GPR161: variants seen among roughly 807,000 people sequenced by gnomAD.
GPR161 encodes the protein G-protein coupled receptor RE2.
A neutral mutation model predicts 39.2 loss-of-function variants in GPR161; 25 were observed. The ratio of observed to expected loss-of-function variants is 0.64; its 90% CI spans 0.47 to 0.89. GPR161 has a LOEUF of 0.89. Ranked by LOEUF, GPR161 falls within the 40% of genes least tolerant of loss-of-function variation. GPR161 has a pLI of 0.00. For missense variants in GPR161, 547 were observed against 677.8 expected, an observed-to-expected ratio of 0.81 and a Z score of 2.14; for synonymous variants, 286 against 276.6, an observed-to-expected ratio of 1.03 and a Z score of -0.34.
At chr1:168,086,308 T>C (rs1694486383) in intron 5 of GPR161, among the ~76,000 whole-genome samples, 1 of 152,156 alleles carries the variant, frequency 6.6e-6, no homozygotes, top group African/African-American at 2.4e-5. Flanking sequence ...CATTACAGGT[T>C]CAAGCCCCCT....
chr1:168,133,133 G>C (rs1699124257), intron 1 of GPR161, among the ~76,000 whole-genome samples: 1 of 152,108 alleles, frequency 6.6e-6, no homozygotes. Flanking sequence ...ACCCAAAAAA[G>C]GAAAAAGAGG....
At chr1:168,093,018 T>A (rs1299031974) in intron 3 of GPR161, among the ~76,000 whole-genome samples, 1 of 151,924 alleles carries the variant, frequency 6.6e-6, no homozygotes, top group African/African-American at 2.4e-5. Context: ...AGGTTCTGGG[T>A]CGGCCAGCGG....
At chr1:168,136,403 G>C (rs1314666290) in intron 1 of GPR161, 5 of 1,401,880 alleles carry the variant, frequency 3.6e-6, no homozygotes, top group Non-Finnish European at 4.6e-6. Flanking sequence ...CCATCCAGCG[G>C]ACTGTTTAGG....
intron 1 of GPR161, among the ~76,000 whole-genome samples, chr1:168,119,752 G>T (rs1411086284): frequency 1.3e-5 from 2 of 152,166 alleles, no homozygotes; most frequent in Non-Finnish European, 2.9e-5. Flanking sequence ...CATGGGGGTG[G>T]TTTCCCCATG....
At position 168,110,149 on chromosome 1, in the gene GPR161, G is replaced by A. The variant is rs370166368; in HGVS notation, c.-44-5255C>T. Among the ~76,000 whole-genome samples, 11 of 151,940 alleles carry A rather than the reference G, an allele frequency of 7.2e-5. No individual in the cohort carries two copies. In the East Asian group the frequency reaches 1.2e-3, roughly 16 times the overall value. Reference sequence around the variant, plus strand: ...TGAGCACATAGCATTCACCATGAGCGACAGTCAACAACAACAGCAACAAAA... The same window carrying A: ...TGAGCACATAGCATTCACCATGAGCAACAGTCAACAACAACAGCAACAAAA... On this transcript the variant is annotated intron_variant, in intron 1 of 5. Transcript: ENST00000682931.
chr1:168,103,424 A>AG lies in GPR161; in HGVS notation c.374+1052dup, dbSNP rs1405863409. ...ATTTTCTGGATTACCTCTACTACTC[A>AG]GGGAAAAAAAAAAAAAAAGAGAAGC... On this transcript the variant is annotated intron_variant, in intron 2 of 5. Coordinates refer to ENST00000682931, the MANE Select transcript of GPR161 (RefSeq NM_001375883.1). Among the ~76,000 whole-genome samples the AG allele has an allele frequency of 2.5e-3, 304 of 119,998 alleles. 2 individuals are homozygous for AG. Among genetic ancestry groups the AG allele is most frequent in the African/African-American group, 0.011 (298 of 25,942 alleles). 78.7% of individuals were successfully genotyped at this position (119,998 alleles called of 152,430 possible).
intron 3 of GPR161, among the ~76,000 whole-genome samples, chr1:168,093,306 T>C (rs1368761110): frequency 3.3e-5 from 5 of 152,152 alleles, no homozygotes; most frequent in African/African-American, 4.8e-5. Context: ...CCAGCGACAT[T>C]TGGCACCCAT....
At chr1:168,129,955 G>A (rs1698863849) in intron 1 of GPR161, among the ~76,000 whole-genome samples, 1 of 152,014 alleles carries the variant, frequency 6.6e-6, no homozygotes, top group Non-Finnish European at 1.5e-5. Context: ...AAACCCAATG[G>A]GCCCTTATTG....
intron 4 of GPR161, 86 bp downstream of exon 4, chr1:168,090,478 A>G: frequency 1.4e-6 from 1 of 716,916 alleles, no homozygotes; most frequent in South Asian, 1.9e-5. Flanking sequence ...CCAGCTCTTG[A>G]GCCTGCACAG....
Position 168,081,612 on chromosome 1 carries a change from T to C in GPR161, c.*3919A>G, listed in dbSNP as rs1694080432. On this transcript the variant is annotated 3_prime_UTR_variant, in exon 6 of 6. Coordinates refer to ENST00000682931, the MANE Select transcript of GPR161 (RefSeq NM_001375883.1). ...AGATGACTAAACTTCCCTTCACAGA[T>C]GAGGAAACTCATAAGTAGTGACTTG... 1 of 152,234 alleles carries C rather than the reference T, an allele frequency of 6.6e-6. No individual in the cohort carries two copies. Among genetic ancestry groups the C allele is most frequent in the South Asian group, 2.1e-4 (1 of 4,826 alleles). 9.4% of individuals were successfully genotyped at this position (152,234 alleles called of 1,614,324 possible).
At position 168,098,052 on chromosome 1, in the gene GPR161, T is replaced by C. The variant is rs540667520; in HGVS notation, c.375-820A>G. Among the ~76,000 whole-genome samples the C allele has an allele frequency of 4.5e-4, 69 of 152,306 alleles. No homozygotes were observed. The highest frequency in any genetic ancestry group is 1.5e-3 in the African/African-American group (64 of 41,566). ...GGCCAGGAGGGCTATCCATTCAAAC[T>C]GGCAGGCTTCTGGTCCAGCACAGAG... On this transcript the variant is annotated intron_variant, in intron 2 of 5. Coordinates refer to ENST00000682931, the MANE Select transcript of GPR161 (RefSeq NM_001375883.1). The surrounding 1 kb of genome is among the most constrained non-coding windows in gnomAD (Gnocchi z 4.1).
At chr1:168,133,201 C>T (rs557626532) in intron 1 of GPR161, among the ~76,000 whole-genome samples, 2 of 152,314 alleles carry the variant, frequency 1.3e-5, no homozygotes, top group South Asian at 4.1e-4. Context: ...AATGCTATAC[C>T]TTTCCAATTC....
intron 1 of GPR161, among the ~76,000 whole-genome samples, chr1:168,117,208 T>C (rs941510143): frequency 6.6e-6 from 1 of 152,198 alleles, no homozygotes; most frequent in African/African-American, 2.4e-5. Context: ...CCTTAATCCA[T>C]TCCGTTCTTC....
chr1:168,112,156 T>C (rs561638679), intron 1 of GPR161, among the ~76,000 whole-genome samples: 2 of 152,052 alleles, frequency 1.3e-5, no homozygotes, highest in Non-Finnish European at 2.9e-5. Flanking sequence ...AATCCAGAGA[T>C]AAGAGGTAGG....
At chr1:168,112,812 G>C (rs531625682) in intron 1 of GPR161, among the ~76,000 whole-genome samples, 21 of 152,216 alleles carry the variant, frequency 1.4e-4, no homozygotes, top group African/African-American at 4.8e-4. Flanking sequence ...AGCTGAGATC[G>C]CACCACTGCA....
Position 168,087,588 on chromosome 1 carries a change from T to C in GPR161, c.1321A>G (p.Lys441Glu). The C allele has an allele frequency of 1.2e-6, 2 of 1,614,160 alleles. No homozygotes were observed. The highest frequency in any genetic ancestry group is 1.7e-6 in the Non-Finnish European group (2 of 1,179,998). ...VTFEDEVEQIKEAAKNSILHV... is the reference protein window; with the variant it reads ...VTFEDEVEQIEEAAKNSILHV... ...GCAATCAGTCACAGAAGCCAACCTT[T>C]GATTTGTTCCACTTCATCCTCAAAT... The change falls in exon 5 of 6, where the codon AAA becomes GAA. Residue 441 changes from lysine to glutamate, a missense_variant. By Grantham distance (56) the Lys-to-Glu change is moderately conservative. Coordinates refer to ENST00000682931, the MANE Select transcript of GPR161 (RefSeq NM_001375883.1).
intron 1 of GPR161, 104 bp downstream of exon 1, chr1:168,136,635 C>A (rs948059176): frequency 6.6e-6 from 8 of 1,215,600 alleles, no homozygotes; most frequent in Non-Finnish European, 7.2e-6. Context: ...CCCTTCCCGG[C>A]CCGCGCCCTG....
Position 168,080,617 on chromosome 1 carries a change from T to A in GPR161, c.*4914A>T, listed in dbSNP as rs1413242209. The A allele has an allele frequency of 2.6e-5, 4 of 152,228 alleles. No homozygotes were observed. The highest frequency in any genetic ancestry group is 5.9e-5 in the Non-Finnish European group (4 of 68,098). The allele number at this position is 152,228 out of a possible 1,614,324, so 9.4% of individuals were successfully genotyped here. On this transcript the variant is annotated 3_prime_UTR_variant, in exon 6 of 6. Coordinates refer to ENST00000682931, the MANE Select transcript of GPR161 (RefSeq NM_001375883.1). ...GGGGCTTGGAGGATTAGGGATTCTG[T>A]GAACCCAAGAGCCACAGCCAGGCAG...
At chr1:168,104,411 G>A (rs1236951640) in intron 2 of GPR161, 66 bp downstream of exon 2, 3 of 1,356,034 alleles carry the variant, frequency 2.2e-6, no homozygotes, top group Non-Finnish European at 3.1e-6. Flanking sequence ...GGCAGTCAGA[G>A]GGACACTGCA....
Sources: gnomAD v4.1 joint callset for allele counts (sites outside exome capture counted in the v4.1 genomes callset) on GRCh38, gnomAD v4.1.1 for gene constraint, Gnocchi (gnomAD v3.1) non-coding constraint, MANE v1.5 for transcripts, NCBI Gene and HGNC (gene_info 2026-07-23, HGNC 2026-07-21) for gene names.